RFC3: variants seen among roughly 807,000 people sequenced by gnomAD.
The protein encoded by RFC3 is A1 38 kDa subunit.
In RFC3, 41 loss-of-function variants were observed where a neutral mutation model predicts 45.1. That is an observed-to-expected ratio of 0.91 (90% CI 0.71 to 1.18). RFC3 has a LOEUF of 1.18. Ranked by LOEUF, RFC3 falls within the 50% of genes most tolerant of loss-of-function variation. RFC3 has a pLI of 0.00. For missense variants in RFC3, 423 were observed against 428.1 expected (o/e 0.99, Z 0.10); for synonymous variants, 149 against 144.0 (o/e 1.03, Z -0.25).
intron 8 of RFC3, among the ~76,000 whole-genome samples, chr13:33,933,940 T>TG (rs2082869701): frequency 2.8e-5 from 4 of 143,588 alleles, no homozygotes; most frequent in African/African-American, 1.0e-4. Context: ...ATGAATGGTA[T>TG]GGGGGAGGGC....
chr13:33,860,309 C>G (rs2137533638), intron 8 of RFC3, among the ~76,000 whole-genome samples: 1 of 58,800 alleles, frequency 1.7e-5, no homozygotes, highest in Middle Eastern at 0.011. Flanking sequence ...TCAGGAAAAC[C>G]AAGGGAAGGA....
intron 8 of RFC3, among the ~76,000 whole-genome samples, chr13:33,947,166 C>T (rs1305699645): frequency 6.6e-6 from 1 of 152,146 alleles, no homozygotes; most frequent in East Asian, 1.9e-4. Flanking sequence ...TAATAATCCC[C>T]AAATGTCAAT....
At chr13:33,869,715 A>C (rs1242419111) in intron 8 of RFC3, among the ~76,000 whole-genome samples, 1 of 152,124 alleles carries the variant, frequency 6.6e-6, no homozygotes, top group African/African-American at 2.4e-5. Flanking sequence ...TCCTGCAGGG[A>C]AAGTGGGGAG....
At chr13:33,919,573 G>A (rs543611469) in intron 8 of RFC3, among the ~76,000 whole-genome samples, 1 of 152,026 alleles carries the variant, frequency 6.6e-6, no homozygotes, top group South Asian at 2.1e-4. Flanking sequence ...TAAACCAGTT[G>A]GCTTGTTTTT....
chr13:33,863,930 G>T (rs1266696292), intron 8 of RFC3, among the ~76,000 whole-genome samples: 1 of 152,110 alleles, frequency 6.6e-6, no homozygotes, highest in East Asian at 1.9e-4. Flanking sequence ...TAGTCCATTT[G>T]CACTGCTATA....
downstream of RFC3, among the ~76,000 whole-genome samples, chr13:33,967,172 A>G (rs1049809327): frequency 2.0e-5 from 3 of 152,180 alleles, no homozygotes; most frequent in East Asian, 5.8e-4. Context: ...AATTAAAAAA[A>G]AAATTTAAAA....
intron 8 of RFC3, among the ~76,000 whole-genome samples, chr13:33,885,127 T>C (rs1888046): frequency 0.1 from 15,684 of 152,218 alleles, 1,854 homozygotes; most frequent in African/African-American, 0.27. Flanking sequence ...GGCCTTGGGC[T>C]GCACTAGTCA....
At chr13:33,860,076 A>G (rs1005483909) in intron 8 of RFC3, among the ~76,000 whole-genome samples, 2 of 152,210 alleles carry the variant, frequency 1.3e-5, no homozygotes, top group Admixed American at 1.3e-4. Flanking sequence ...GTCATCTGCA[A>G]GCCAAGGGGA....
At chr13:33,883,866 CTG>C (rs1228721485) in intron 8 of RFC3, among the ~76,000 whole-genome samples, 6 of 152,124 alleles carry the variant, frequency 3.9e-5, no homozygotes, top group East Asian at 1.9e-4. Flanking sequence ...ATGAAATAAT[CTG>C]TGTAACAAAT....
intron 8 of RFC3, among the ~76,000 whole-genome samples, chr13:33,915,794 A>G (rs9598294): frequency 0.024 from 3,547 of 145,474 alleles, 117 homozygotes; most frequent in African/African-American, 0.089. Context: ...ATATTTCTAT[A>G]TTTCTATATA....
rs78050028 is a variant in RFC3 at position 33,960,179 on chromosome 13, G to C, written c.880-5908G>C. Among the ~76,000 whole-genome samples, 1,471 of 152,134 alleles carry C rather than the reference G, an allele frequency of 9.7e-3. 34 individuals carry two copies. Among genetic ancestry groups the C allele is most frequent in the African/African-American group, 0.033 (1,389 of 41,472 alleles). ...TTACATTTCAACATGGGATCTGGGT[G>C]GAGACAAATAGACAAACTATATCAG... On this transcript the variant is annotated intron_variant, in intron 8 of 8. Transcript: ENST00000434425.
chr13:33,857,263 A>C (rs140340354), intron 8 of RFC3, among the ~76,000 whole-genome samples: 60 of 152,338 alleles, frequency 3.9e-4, no homozygotes, highest in Non-Finnish European at 6.9e-4. Context: ...GACATGCTAC[A>C]TTAGACAGTA....
the RFC3 span, among the ~76,000 whole-genome samples, chr13:33,977,040 G>A: frequency 5.3e-5 from 8 of 151,918 alleles, no homozygotes; most frequent in East Asian, 7.7e-4. Flanking sequence ...CAATGTAATC[G>A]TGAGAAAAAA....
chr13:33,891,967 A>T (rs958975683), intron 8 of RFC3, among the ~76,000 whole-genome samples: 2 of 152,204 alleles, frequency 1.3e-5, no homozygotes, highest in Non-Finnish European at 2.9e-5. Flanking sequence ...TAGCAGGACA[A>T]TTCAACCAGG....
intron 8 of RFC3, among the ~76,000 whole-genome samples, chr13:33,888,642 A>C (rs1333844123): frequency 6.6e-6 from 1 of 152,190 alleles, no homozygotes; most frequent in Admixed American, 6.5e-5. Context: ...TCCAGATCTC[A>C]TATAGCAGAT....
At chr13:33,909,228 A>C (rs978291583) in intron 8 of RFC3, among the ~76,000 whole-genome samples, 4 of 151,998 alleles carry the variant, frequency 2.6e-5, no homozygotes, top group African/African-American at 9.7e-5. Flanking sequence ...AATGTTTCAG[A>C]CTTGGAAGAG....
chr13:33,871,549 A>C (rs899875458), intron 8 of RFC3, among the ~76,000 whole-genome samples: 45 of 152,176 alleles, frequency 3.0e-4, no homozygotes, highest in African/African-American at 1.1e-3. Context: ...CCACTTCCAG[A>C]TGCTTCATTT....
chr13:33,863,784 G>A (rs2082356461), intron 8 of RFC3, among the ~76,000 whole-genome samples: 1 of 152,168 alleles, frequency 6.6e-6, no homozygotes, highest in South Asian at 2.1e-4. Context: ...ATGTGAGGTT[G>A]AGAACCCTGG....
At chr13:33,902,245 A>G (rs1593679433) in intron 8 of RFC3, among the ~76,000 whole-genome samples, 1 of 152,088 alleles carries the variant, frequency 6.6e-6, no homozygotes, top group African/African-American at 2.4e-5. Flanking sequence ...CGCTGACCCT[A>G]TCTGAAGCCA....
Sources: gnomAD v4.1 joint callset for allele counts (sites outside exome capture counted in the v4.1 genomes callset) on GRCh38, gnomAD v4.1.1 for gene constraint, MANE v1.5 for transcripts, NCBI Gene and HGNC (gene_info 2026-07-23, HGNC 2026-07-21) for gene names.